The following SYTL5 variants were observed in gnomAD, a reference collection of about 807,000 sequenced individuals.
SYTL5 encodes the protein synaptotagmin-like protein 5.
Under a neutral mutation model 55.9 loss-of-function variants are expected in SYTL5, and 34 were observed. That is an observed-to-expected ratio of 0.61 (90% CI 0.46 to 0.81). The LOEUF is 0.81. SYTL5 is among the 30% of genes least tolerant of loss of function. SYTL5 has a pLI of 0.00. For missense variants in SYTL5, 637 were observed against 546.7 expected, an observed-to-expected ratio of 1.17 and a Z score of -1.65; for synonymous variants, 221 against 188.7, an observed-to-expected ratio of 1.17 and a Z score of -1.40.
chrX:38,046,466 A>G (rs1441841290), intron 2 of SYTL5, among the ~76,000 whole-genome samples: 1 of 111,311 alleles, frequency 9.0e-6, no homozygotes, highest in African/African-American at 3.3e-5. Context: ...ATCTCATGAG[A>G]CTTATTCACT....
the SYTL5 span, among the ~76,000 whole-genome samples, chrX:37,971,259 G>A: frequency 9.1e-6 from 1 of 110,140 alleles, no homozygotes; most frequent in Non-Finnish European, 1.9e-5. Context: ...ACCCCAGGCA[G>A]TTGTCAGCTA....
the SYTL5 span, among the ~76,000 whole-genome samples, chrX:37,965,223 C>T: frequency 1.8e-5 from 2 of 111,335 alleles, no homozygotes; most frequent in African/African-American, 6.5e-5. Flanking sequence ...ACTTCTAGTA[C>T]TGCTTTTGCT....
chrX:37,940,608 A>G, the SYTL5 span, among the ~76,000 whole-genome samples: 21 of 105,629 alleles, frequency 2.0e-4, no homozygotes, highest in African/African-American at 7.2e-4. Flanking sequence ...GTGTATGTAT[A>G]TATATATATA....
the SYTL5 span, among the ~76,000 whole-genome samples, chrX:37,892,539 T>C: frequency 1.0e-5 from 1 of 98,201 alleles, no homozygotes; most frequent in Non-Finnish European, 2.0e-5. Flanking sequence ...AGTATATGTA[T>C]ATATGTATGT....
chrX:37,915,999 T>A, the SYTL5 span, among the ~76,000 whole-genome samples: 24,970 of 110,689 alleles, frequency 0.23, 2,429 homozygotes, highest in African/African-American at 0.37. Flanking sequence ...TCTTTTTTTT[T>A]AAATAATAAT....
the SYTL5 span, among the ~76,000 whole-genome samples, chrX:37,991,536 CT>C: frequency 1.8e-5 from 2 of 110,969 alleles, no homozygotes; most frequent in African/African-American, 6.6e-5. Flanking sequence ...TCCTCATTGT[CT>C]CTGAACAGGA....
the SYTL5 span, among the ~76,000 whole-genome samples, chrX:37,981,235 C>T: frequency 8.9e-6 from 1 of 112,025 alleles, no homozygotes; most frequent in African/African-American, 3.2e-5. Context: ...AACTGTAAGC[C>T]GACTGCTTTG....
chrX:38,120,170 A>G lies in SYTL5; in HGVS notation c.1597-188A>G, dbSNP rs948120168. Among the ~76,000 whole-genome samples the G allele has an allele frequency of 1.4e-4, 16 of 112,566 alleles. 1 individual carries two copies. Among genetic ancestry groups the G allele is most frequent in the African/African-American group, 5.2e-4 (16 of 30,985 alleles). Reference sequence around the variant, plus strand: ...TTAAAAGTTATATGCAAATGCCTTCATAGAGTTTTCCAGCCTTTGTTTTCT... The same window carrying G: ...TTAAAAGTTATATGCAAATGCCTTCGTAGAGTTTTCCAGCCTTTGTTTTCT... On this transcript the variant is annotated intron_variant, in intron 13 of 16. Transcript: ENST00000297875.
At chrX:38,096,881 G>T (rs1326175696) in intron 9 of SYTL5, among the ~76,000 whole-genome samples, 2 of 110,983 alleles carry the variant, frequency 1.8e-5, no homozygotes, top group African/African-American at 6.5e-5. Flanking sequence ...ACAAAAAACT[G>T]GGAAAATACT....
At chrX:38,109,916 T>C (rs188725224) in intron 12 of SYTL5, among the ~76,000 whole-genome samples, 6 of 111,668 alleles carry the variant, frequency 5.4e-5, no homozygotes, top group Admixed American at 9.5e-5. Flanking sequence ...GATTTGGGGA[T>C]TCTCATTATG....
At chrX:38,122,058 C>T (rs374932914) in intron 14 of SYTL5, 22 bp from the exon 15 acceptor site, 4 of 1,151,267 alleles carry the variant, frequency 3.5e-6, no homozygotes, top group Non-Finnish European at 4.6e-6. Context: ...CCACCATTCC[C>T]TCATTTTGGT....
chrX:38,008,945 A>G (rs993329351), intron 1 of SYTL5, among the ~76,000 whole-genome samples: 14 of 112,202 alleles, frequency 1.2e-4, no homozygotes, highest in African/African-American at 4.5e-4. Flanking sequence ...CTAGTTAGGA[A>G]GGGTGTTAAC....
At chrX:38,099,239 A>T (rs1172387373) in intron 9 of SYTL5, among the ~76,000 whole-genome samples, 1 of 111,283 alleles carries the variant, frequency 9.0e-6, no homozygotes, top group Non-Finnish European at 1.9e-5. Flanking sequence ...GTAATCAGTT[A>T]TAAGGGTTCA....
chrX:38,067,457 C>G (rs1351757130), intron 3 of SYTL5, among the ~76,000 whole-genome samples: 1 of 110,749 alleles, frequency 9.0e-6, no homozygotes, highest in Non-Finnish European at 1.9e-5. Flanking sequence ...ATAGTATTCC[C>G]CCTTGTTCTT....
the SYTL5 span, among the ~76,000 whole-genome samples, chrX:37,893,661 T>C: frequency 3.4e-5 from 2 of 59,592 alleles, no homozygotes; most frequent in Non-Finnish European, 5.0e-5. Flanking sequence ...ATATATAAAA[T>C]CTATATATAT....
chrX:38,010,911 A>G (rs1569154588), intron 1 of SYTL5, among the ~76,000 whole-genome samples: 1 of 112,254 alleles, frequency 8.9e-6, no homozygotes, highest in Non-Finnish European at 1.9e-5. Context: ...GAACCTCATG[A>G]GATGAACATC....
At chrX:38,001,137 A>G in the SYTL5 span, among the ~76,000 whole-genome samples, 2 of 110,309 alleles carry the variant, frequency 1.8e-5, no homozygotes, top group Admixed American at 1.9e-4. Flanking sequence ...CACAGACCAC[A>G]CCCTCCCCTA....
intron 13 of SYTL5, among the ~76,000 whole-genome samples, chrX:38,118,683 A>G (rs1434390176): frequency 4.5e-5 from 5 of 111,207 alleles, no homozygotes; most frequent in Non-Finnish European, 7.5e-5. Context: ...ATATGAAGAG[A>G]TCCTATGTAC....
At chrX:38,061,561 T>C (rs961439492) in intron 3 of SYTL5, among the ~76,000 whole-genome samples, 3 of 111,500 alleles carry the variant, frequency 2.7e-5, no homozygotes, top group Non-Finnish European at 3.8e-5. Flanking sequence ...GTAAATGACC[T>C]TTATTGTCAT....
Sources: gnomAD v4.1 joint callset for allele counts (sites outside exome capture counted in the v4.1 genomes callset) on GRCh38, gnomAD v4.1.1 for gene constraint, MANE v1.5 for transcripts, NCBI Gene and HGNC (gene_info 2026-07-23, HGNC 2026-07-21) for gene names.